Variants in ZMYND8 observed in about 807,000 individuals in gnomAD.
ZMYND8 encodes zinc finger MYND-type containing 8.
In ZMYND8, 37 loss-of-function variants were observed where a neutral mutation model predicts 140.8. The ratio of observed to expected loss-of-function variants is 0.26; its 90% CI spans 0.20 to 0.35. The LOEUF is 0.35. Among genes scored for constraint, ZMYND8 ranks in the 10% least tolerant of loss-of-function variants. The pLI, the probability that ZMYND8 is intolerant of heterozygous loss-of-function variation, is 1.00. For synonymous variants in ZMYND8, 592 were observed against 597.1 expected (o/e 0.99, Z 0.12); for missense variants, 1,068 against 1,570.0 (o/e 0.68, Z 5.40).
intron 12 of ZMYND8, among the ~76,000 whole-genome samples, chr20:47,258,548 G>A (rs2074925527): frequency 1.3e-5 from 2 of 152,086 alleles, no homozygotes; most frequent in African/African-American, 4.8e-5. Flanking sequence ...CAATGTGTAG[G>A]CAAACCCTCC....
chr20:47,307,079 C>T (rs2078546044), intron 3 of ZMYND8, among the ~76,000 whole-genome samples: 1 of 152,082 alleles, frequency 6.6e-6, no homozygotes, highest in Non-Finnish European at 1.5e-5. Flanking sequence ...AAGGTGATGG[C>T]ATTAGAGAAG....
At chr20:47,268,747 C>T (rs557566777) in intron 11 of ZMYND8, among the ~76,000 whole-genome samples, 3 of 151,496 alleles carry the variant, frequency 2.0e-5, no homozygotes, top group African/African-American at 7.3e-5. Flanking sequence ...CACTACACTC[C>T]AGCCTGGGTG....
chr20:47,295,464 G>A (rs1334340599), intron 4 of ZMYND8, among the ~76,000 whole-genome samples: 1 of 152,176 alleles, frequency 6.6e-6, no homozygotes, highest in African/African-American at 2.4e-5. Flanking sequence ...CACAGGATGG[G>A]TACTTATCAA....
intron 21 of ZMYND8, among the ~76,000 whole-genome samples, chr20:47,216,406 A>AATC: frequency 6.7e-6 from 1 of 149,150 alleles, no homozygotes; most frequent in East Asian, 2.0e-4. Flanking sequence ...GAGGCAGGAG[A>AATC]ATCACCTGAA....
At chr20:47,333,153 C>T (rs1299466702) in intron 2 of ZMYND8, among the ~76,000 whole-genome samples, 1 of 151,882 alleles carries the variant, frequency 6.6e-6, no homozygotes, top group East Asian at 1.9e-4. Context: ...TCCAGACCAG[C>T]CTAGGCAACA....
chr20:47,271,775 G>A (rs757178706), intron 11 of ZMYND8, among the ~76,000 whole-genome samples: 1 of 152,116 alleles, frequency 6.6e-6, no homozygotes, highest in Non-Finnish European at 1.5e-5. Flanking sequence ...TCCACCTCCC[G>A]GGTTCAAGTG....
chr20:47,351,618 A>T, intron 1 of ZMYND8: 2 of 963,628 alleles, frequency 2.1e-6, no homozygotes, highest in Non-Finnish European at 2.5e-6. Flanking sequence ...CATCAAAATT[A>T]AAAACCATGC....
chr20:47,302,085 T>G (rs1254287859), intron 3 of ZMYND8, among the ~76,000 whole-genome samples: 3 of 152,242 alleles, frequency 2.0e-5, no homozygotes, highest in African/African-American at 7.2e-5. Flanking sequence ...GTGAGTCAAT[T>G]AAACTGCTTT....
At chr20:47,264,794 G>C (rs1217407310) in intron 11 of ZMYND8, among the ~76,000 whole-genome samples, 1 of 152,098 alleles carries the variant, frequency 6.6e-6, no homozygotes, top group Non-Finnish European at 1.5e-5. Context: ...CAGCACCTTG[G>C]GAGGCTGAGG....
chr20:47,341,799 C>T (rs915235694), intron 2 of ZMYND8, among the ~76,000 whole-genome samples: 4 of 151,194 alleles, frequency 2.6e-5, no homozygotes, highest in African/African-American at 9.7e-5. Context: ...GTCAGGAGAT[C>T]GAGACCATCC....
At position 47,294,438 on chromosome 20, in the gene ZMYND8, AAC is replaced by A. The variant is rs549180086; in HGVS notation, c.567+226_567+227del. 9.8e-5 allele frequency among the ~76,000 whole-genome samples: 15 copies of A among 152,336 alleles called. No individual in the cohort carries two copies. The East Asian group carries it at 2.9e-3, about 29-fold the overall frequency. ...GGTAATATCTTTACAATAGTGTGAA[AAC>A]AGACTAATGTACCAATTAAACTCCT... On this transcript the variant is annotated intron_variant, in intron 5 of 22. Transcript: ENST00000471951.
chr20:47,242,491 C>CT (rs1568968258), intron 14 of ZMYND8, among the ~76,000 whole-genome samples: 1 of 152,226 alleles, frequency 6.6e-6, no homozygotes, highest in African/African-American at 2.4e-5. Flanking sequence ...GGGGCAGTGC[C>CT]TTAGCAGAGC....
chr20:47,245,949 T>C, intron 14 of ZMYND8, 59 bp downstream of exon 14: 2 of 1,526,748 alleles, frequency 1.3e-6, no homozygotes, highest in South Asian at 1.3e-5. Flanking sequence ...TGATAGTAAG[T>C]GTACGAGGTA....
intron 12 of ZMYND8, among the ~76,000 whole-genome samples, chr20:47,251,097 G>A (rs2074132987): frequency 6.6e-6 from 1 of 151,936 alleles, no homozygotes; most frequent in Admixed American, 6.5e-5. Context: ...GCCCCTCCCA[G>A]ACCCAGGGAG....
At chr20:47,289,611 T>C (rs2077130807) in intron 7 of ZMYND8, among the ~76,000 whole-genome samples, 2 of 78,458 alleles carry the variant, frequency 2.5e-5, no homozygotes, top group Non-Finnish European at 4.7e-5. Flanking sequence ...ATTGATCGAA[T>C]GAAAAAAAAA....
chr20:47,300,267 G>A (rs2077925652), intron 3 of ZMYND8, among the ~76,000 whole-genome samples: 1 of 152,156 alleles, frequency 6.6e-6, no homozygotes, highest in African/African-American at 2.4e-5. Flanking sequence ...TTAAGAAAGT[G>A]ACTCAACCCA....
rs951544082 is a variant in ZMYND8 at position 47,243,208 on chromosome 20, C to T, written c.2284+2800G>A. Among the ~76,000 whole-genome samples, 6 of 152,304 alleles carry T rather than the reference C, an allele frequency of 3.9e-5. No homozygotes were observed. The East Asian group carries it at 7.7e-4, about 20-fold the overall frequency. Reference sequence around the variant, plus strand: ...GAAGGTAAGCTGGAGGTCACAACAGCGCAATCCAAAATGCCCTTCACTTAC... The same window carrying T: ...GAAGGTAAGCTGGAGGTCACAACAGTGCAATCCAAAATGCCCTTCACTTAC... On this transcript the variant is annotated intron_variant, in intron 14 of 22. Coordinates refer to ENST00000471951, the MANE Select transcript of ZMYND8 (RefSeq NM_001281775.3).
At chr20:47,286,191 T>TC (rs2076912153) in intron 8 of ZMYND8, among the ~76,000 whole-genome samples, 2 of 151,448 alleles carry the variant, frequency 1.3e-5, no homozygotes, top group South Asian at 2.1e-4. Context: ...TTTTTTTTTT[T>TC]CTCGGAGACA....
intron 13 of ZMYND8, among the ~76,000 whole-genome samples, chr20:47,247,674 A>G (rs907134944): frequency 1.3e-5 from 2 of 152,216 alleles, no homozygotes; most frequent in African/African-American, 4.8e-5. Flanking sequence ...TTCTAGAGCA[A>G]TGGCCACTGT....
Sources: allele counts gnomAD v4.1 joint callset (sites outside exome capture counted in the v4.1 genomes callset), GRCh38; gene constraint gnomAD v4.1.1; transcripts MANE v1.5; gene names NCBI Gene and HGNC (gene_info 2026-07-23, HGNC 2026-07-21).